WNT3: variants seen among roughly 807,000 people sequenced by gnomAD.
The protein encoded by WNT3 is Wnt family member 3.
WNT3 carries 7 observed loss-of-function variants against 34.2 expected under a neutral mutation model. The observed-to-expected ratio is 0.20, with a 90% confidence interval of 0.12 to 0.38. The LOEUF is 0.38. Among genes scored for constraint, WNT3 ranks in the 10% least tolerant of loss-of-function variants. The pLI, the probability that WNT3 is intolerant of heterozygous loss-of-function variation, is 1.00. For missense variants in WNT3, 267 were observed against 499.8 expected (o/e 0.53, Z 4.44); for synonymous variants, 212 against 211.5 (o/e 1.00, Z -0.02).
At chr17:46,784,783 T>C (rs2059488389) in intron 1 of WNT3, among the ~76,000 whole-genome samples, 1 of 150,730 alleles carries the variant, frequency 6.6e-6, no homozygotes, top group Non-Finnish European at 1.5e-5. Context: ...TTTTCTTTTT[T>C]TTTTTTTTTT....
chr17:46,788,553 G>A (rs1360989853), intron 1 of WNT3, among the ~76,000 whole-genome samples: 2 of 152,136 alleles, frequency 1.3e-5, no homozygotes, highest in South Asian at 2.1e-4. Flanking sequence ...CCCTTTTAAT[G>A]TCTCCAATTC....
chr17:46,815,935 A>G (rs981867853), intron 1 of WNT3, among the ~76,000 whole-genome samples: 7 of 152,188 alleles, frequency 4.6e-5, no homozygotes, highest in African/African-American at 2.4e-5. Flanking sequence ...CCCTGGGCCC[A>G]GCACCTGGGG....
intron 1 of WNT3, among the ~76,000 whole-genome samples, chr17:46,775,403 G>A (rs1012107522): frequency 4.6e-5 from 7 of 152,234 alleles, no homozygotes; most frequent in South Asian, 2.1e-4. Context: ...CCTGGGCACC[G>A]TGCAGGGGCA....
intron 1 of WNT3, among the ~76,000 whole-genome samples, chr17:46,802,502 A>G (rs1035496168): frequency 3.3e-5 from 5 of 152,152 alleles, no homozygotes; most frequent in African/African-American, 1.2e-4. Context: ...TCCTGACCTC[A>G]GATGATCCAC....
intron 1 of WNT3, among the ~76,000 whole-genome samples, chr17:46,781,800 G>A (rs899056223): frequency 1.3e-5 from 2 of 152,184 alleles, no homozygotes; most frequent in African/African-American, 2.4e-5. Context: ...CCCTGTGCAG[G>A]ACGAAATTCC....
chr17:46,788,258 A>G (rs775519793), intron 1 of WNT3, among the ~76,000 whole-genome samples: 4 of 152,294 alleles, frequency 2.6e-5, no homozygotes, highest in South Asian at 2.1e-4. Flanking sequence ...CCATGTTTGC[A>G]TCTTTAGTTC....
At chr17:46,790,843 G>A (rs1289975011) in intron 1 of WNT3, among the ~76,000 whole-genome samples, 1 of 152,196 alleles carries the variant, frequency 6.6e-6, no homozygotes, top group Non-Finnish European at 1.5e-5. Context: ...CGCGTTTTAT[G>A]TGCGTTCCAA....
chr17:46,791,227 TTTC>T (rs1226225470), intron 1 of WNT3, among the ~76,000 whole-genome samples: 7 of 152,034 alleles, frequency 4.6e-5, no homozygotes, highest in Non-Finnish European at 8.8e-5. Context: ...CTTTTTTTTT[TTTC>T]TGAGACAGAG....
intron 1 of WNT3, among the ~76,000 whole-genome samples, chr17:46,785,100 T>TG (rs1392071512): frequency 6.6e-6 from 1 of 152,162 alleles, no homozygotes; most frequent in African/African-American, 2.4e-5. Flanking sequence ...TTTCTTATGA[T>TG]GCATCCTAAG....
At chr17:46,791,122 A>G (rs973469557) in intron 1 of WNT3, among the ~76,000 whole-genome samples, 1 of 152,106 alleles carries the variant, frequency 6.6e-6, no homozygotes, top group African/African-American at 2.4e-5. Flanking sequence ...TCAAGGCAGC[A>G]AGCCTTTTCC....
In WNT3 at chr17:46,773,750, G is replaced by A. The variant is rs910143048; in HGVS notation, c.240C>T (p.Cys80=). The change falls in exon 2 of 5, where the codon TGC becomes TGT. Residue 80 remains cysteine (C), a synonymous_variant. Transcript: ENST00000225512. ...AGCGGCGGCCCCGGAACTGGTGCTG[G>A]CACTCCTGGATGCCCAGCTTCACGC... is the stretch of plus-strand genomic sequence containing the variant. ...AEGVKLGIQE[C]QHQFRGRRWN... 7 of 1,613,140 alleles carry A rather than the reference G, an allele frequency of 4.3e-6. No homozygotes were observed. Among genetic ancestry groups the A allele is most frequent in the Non-Finnish European group, 5.9e-6 (7 of 1,179,938 alleles).
intron 1 of WNT3, among the ~76,000 whole-genome samples, chr17:46,774,704 C>G (rs1881672615): frequency 6.6e-6 from 1 of 152,222 alleles, no homozygotes; most frequent in African/African-American, 2.4e-5. Context: ...TCAACTCTCT[C>G]AGGTTTTATA....
chr17:46,768,833 C>T lies in WNT3; in HGVS notation c.589-34G>A, dbSNP rs369181420. ...GAGAAGTGGCAGCTGGCCAACAGAC[C>T]GACCCCACGAGGGGGCACATCCAGG... On this transcript the variant is annotated intron_variant, in intron 3 of 4. Coordinates refer to ENST00000225512, the MANE Select transcript of WNT3 (RefSeq NM_030753.5). The surrounding 1 kb of genome is among the most constrained non-coding windows in gnomAD (Gnocchi z 5.0). 5.0e-6 allele frequency: 8 copies of T among 1,605,228 alleles called. No homozygotes were observed. Among genetic ancestry groups the T allele is most frequent in the Non-Finnish European group, 6.8e-6 (8 of 1,177,312 alleles).
chr17:46,818,383 TGGGCGGGTGGG>T (rs2084380716), intron 1 of WNT3, 124 bp downstream of exon 1: 1 of 669,942 alleles, frequency 1.5e-6, no homozygotes, highest in African/African-American at 5.7e-5. Context: ...CCAGGAGGGG[TGGGCGGGTGGG>T]GGGCTGGAGG....
chr17:46,791,017 C>T (rs1207947960), intron 1 of WNT3, among the ~76,000 whole-genome samples: 1 of 152,146 alleles, frequency 6.6e-6, no homozygotes, highest in Non-Finnish European at 1.5e-5. Flanking sequence ...TCCTGGTTTC[C>T]CCTTAGCTTT....
chr17:46,817,557 G>A (rs780203094), intron 1 of WNT3, among the ~76,000 whole-genome samples: 6 of 152,168 alleles, frequency 3.9e-5, no homozygotes, highest in African/African-American at 7.2e-5. Context: ...GGGCCGCTCG[G>A]AAAACAAGGG....
At chr17:46,789,751 G>A (rs1321011145) in intron 1 of WNT3, among the ~76,000 whole-genome samples, 1 of 152,208 alleles carries the variant, frequency 6.6e-6, no homozygotes, top group African/African-American at 2.4e-5. Context: ...CACTGCCCAG[G>A]GCTCCAGCTT....
At position 46,762,632 on chromosome 17, in the gene WNT3, T is replaced by C. The variant is rs1225486160; in HGVS notation, c.*1998A>G. ...TTAGTTAACTCAAAGGTATATACAT[T>C]GTATAATAAATAATATTTATAAAAA... On this transcript the variant is annotated 3_prime_UTR_variant, in exon 5 of 5. Transcript: ENST00000225512. The C allele has an allele frequency of 2.0e-5, 3 of 151,222 alleles. No individual in the cohort carries two copies. Among genetic ancestry groups the C allele is most frequent in the African/African-American group, 4.8e-5 (2 of 41,298 alleles). The allele number at this position is 151,222 out of a possible 1,614,324, so 9.4% of individuals were successfully genotyped here. A position where few individuals can be genotyped will look rare whatever the true frequency, so the allele number is the denominator to read the frequency against.
chr17:46,786,199 G>C lies in WNT3; in HGVS notation c.81-12290C>G, dbSNP rs568207624. Among the ~76,000 whole-genome samples the C allele has an allele frequency of 5.3e-5, 8 of 152,130 alleles. No individual in the cohort carries two copies. The East Asian group carries it at 1.6e-3, about 30-fold the overall frequency. ...GCAGTCTGGTGGGACCTGGGGAGGA[G>C]GAAAGAGAGTGGAAACAGGAGGGAA... On this transcript the variant is annotated intron_variant, in intron 1 of 4. Transcript: ENST00000225512.
Sources: gnomAD v4.1 joint callset for allele counts (sites outside exome capture counted in the v4.1 genomes callset) on GRCh38, gnomAD v4.1.1 for gene constraint, Gnocchi (gnomAD v3.1) non-coding constraint, MANE v1.5 for transcripts, NCBI Gene and HGNC (gene_info 2026-07-23, HGNC 2026-07-21) for gene names.